ARL15: variants seen among roughly 807,000 people sequenced by gnomAD.
The protein encoded by ARL15 is ADP-ribosylation factor-like protein 15.
Under a neutral mutation model 25.2 loss-of-function variants are expected in ARL15, and 19 were observed. The ratio of observed to expected loss-of-function variants is 0.75; its 90% CI spans 0.53 to 1.10. The LOEUF is 1.10. Ranked by LOEUF, ARL15 falls within the 50% of genes least tolerant of loss-of-function variation. The pLI is 0.00. For missense variants in ARL15, 220 were observed against 246.0 expected (o/e 0.89, Z 0.71); for synonymous variants, 94 against 86.8 (o/e 1.08, Z -0.46).
intron 4 of ARL15, among the ~76,000 whole-genome samples, chr5:54,062,059 A>G (rs1400516497): frequency 6.6e-6 from 1 of 152,184 alleles, no homozygotes; most frequent in African/African-American, 2.4e-5. Flanking sequence ...TTAAGATTTG[A>G]CTGCCCCACT....
intron 4 of ARL15, among the ~76,000 whole-genome samples, chr5:53,980,934 T>A (rs897442253): frequency 1.7e-4 from 26 of 151,994 alleles, no homozygotes; most frequent in African/African-American, 5.3e-4. Context: ...TGAGCTATAA[T>A]CCTGCTACTG....
At chr5:54,267,249 A>G (rs968057980) in intron 1 of ARL15, among the ~76,000 whole-genome samples, 3 of 151,998 alleles carry the variant, frequency 2.0e-5, no homozygotes, top group African/African-American at 7.3e-5. Flanking sequence ...GTGCCACCAC[A>G]CCCAGCTAAT....
At chr5:54,032,696 T>C (rs1177316260) in intron 4 of ARL15, among the ~76,000 whole-genome samples, 1 of 152,194 alleles carries the variant, frequency 6.6e-6, no homozygotes, top group Non-Finnish European at 1.5e-5. Context: ...GGAATTACTG[T>C]TGCACAAAAC....
At chr5:54,067,050 C>T (rs1034524450) in intron 4 of ARL15, 2 of 152,604 alleles carry the variant, frequency 1.3e-5, no homozygotes, top group Non-Finnish European at 2.9e-5. Context: ...GCCGTGTTTC[C>T]TCAATCACTA....
intron 4 of ARL15, among the ~76,000 whole-genome samples, chr5:54,086,740 A>C (rs1245490142): frequency 6.6e-6 from 1 of 152,216 alleles, no homozygotes; most frequent in South Asian, 2.1e-4. Flanking sequence ...GGGTTAAAAA[A>C]AACAAGGCAA....
intron 4 of ARL15, among the ~76,000 whole-genome samples, chr5:53,950,621 T>A (rs1263353327): frequency 6.6e-6 from 1 of 152,194 alleles, no homozygotes; most frequent in African/African-American, 2.4e-5. Context: ...AAATAGCCTA[T>A]TACTACTTTT....
chr5:53,969,623 T>C lies in ARL15; in HGVS notation c.463-82910A>G, dbSNP rs548242683. 4.1e-4 allele frequency among the ~76,000 whole-genome samples: 63 copies of C among 152,336 alleles called. 1 individual carries two copies. In the South Asian group the frequency reaches 0.013, roughly 31 times the overall value. On this transcript the variant is annotated intron_variant, in intron 4 of 4. Transcript: ENST00000504924. ...GCAGGTCTGTTCCTATTTTCAGTCATCTTTTCGATGCTTAATATTTTTAAA... is the reference window on the plus strand; with the variant it reads ...GCAGGTCTGTTCCTATTTTCAGTCACCTTTTCGATGCTTAATATTTTTAAA...
chr5:54,061,593 C>A (rs1488672589), intron 4 of ARL15, among the ~76,000 whole-genome samples: 1 of 152,040 alleles, frequency 6.6e-6, no homozygotes, highest in African/African-American at 2.4e-5. Flanking sequence ...AAGAGCGAAA[C>A]TCCACTCAAA....
chr5:54,128,964 C>A lies in ARL15; in HGVS notation c.254-15554G>T, dbSNP rs185457070. On this transcript the variant is annotated intron_variant, in intron 3 of 4. Transcript: ENST00000504924. ...TCATGATCCGCCCACCTCAGCCTCT[C>A]AAAGTGCTGGATTACAGGCATGGGC... Among the ~76,000 whole-genome samples the A allele has an allele frequency of 1.6e-3, 249 of 152,260 alleles. 2 individuals carry two copies. Among genetic ancestry groups the A allele is most frequent in the Admixed American group, 8.1e-3 (124 of 15,288 alleles).
At position 54,107,710 on chromosome 5, in the gene ARL15, G is replaced by C. The variant is rs1288050887; in HGVS notation, c.462+5492C>G. 2.0e-5 allele frequency among the ~76,000 whole-genome samples: 3 copies of C among 152,170 alleles called. No homozygotes were observed. In the East Asian group the frequency reaches 5.8e-4, roughly 29 times the overall value. On this transcript the variant is annotated intron_variant, in intron 4 of 4. Transcript: ENST00000504924. ...ATAAAATGAAGATATGTATGTGACT[G>C]AAGGAAGATAGTGGAAAGGAATGGG...
chr5:54,286,139 A>T (rs1758173193), intron 1 of ARL15: 1 of 152,216 alleles, frequency 6.6e-6, no homozygotes, highest in Admixed American at 6.5e-5. Context: ...ACTAATTACA[A>T]AATAAAATTA....
At chr5:54,154,710 ATTG>A (rs1754171466) in intron 2 of ARL15, 71 bp from the exon 3 acceptor site, 1 of 932,956 alleles carries the variant, frequency 1.1e-6, no homozygotes, top group African/African-American at 1.7e-5. Flanking sequence ...GGATGCTCAA[ATTG>A]TCTCTTTTTA....
At chr5:53,946,455 GAAAAAAAAAAA>G (rs55727717) in intron 4 of ARL15, among the ~76,000 whole-genome samples, 5 of 43,942 alleles carry the variant, frequency 1.1e-4, no homozygotes, top group Admixed American at 3.5e-4. Flanking sequence ...GTCTCAAGAG[GAAAAAAAAAAA>G]AAAAAAAAAA....
At chr5:53,906,854 C>G (rs1454970493) in intron 4 of ARL15, among the ~76,000 whole-genome samples, 1 of 152,068 alleles carries the variant, frequency 6.6e-6, no homozygotes, top group East Asian at 1.9e-4. Flanking sequence ...ATCATGAAAC[C>G]CTTGCACACT....
intron 4 of ARL15, among the ~76,000 whole-genome samples, chr5:53,957,497 T>C (rs1411691082): frequency 1.3e-5 from 2 of 151,220 alleles, no homozygotes; most frequent in Non-Finnish European, 2.9e-5. Context: ...GGACACTAGA[T>C]AGTAAGTCAA....
At chr5:54,128,529 C>T (rs923132818) in intron 3 of ARL15, among the ~76,000 whole-genome samples, 10 of 152,150 alleles carry the variant, frequency 6.6e-5, no homozygotes, top group South Asian at 2.1e-4. Context: ...ATGTATCAGA[C>T]GTAACACTAG....
At chr5:54,161,658 G>A (rs944689470) in intron 2 of ARL15, among the ~76,000 whole-genome samples, 1 of 152,094 alleles carries the variant, frequency 6.6e-6, no homozygotes, top group African/African-American at 2.4e-5. Context: ...GATGTTATTT[G>A]TAAGTGTGGT....
At chr5:54,288,906 G>A (rs1347725896) in intron 1 of ARL15, among the ~76,000 whole-genome samples, 1 of 152,196 alleles carries the variant, frequency 6.6e-6, no homozygotes, top group East Asian at 1.9e-4. Flanking sequence ...ATCAAATTCA[G>A]ATTTGTAAGG....
chr5:54,118,610 A>C (rs1201304437), intron 3 of ARL15, among the ~76,000 whole-genome samples: 2 of 152,168 alleles, frequency 1.3e-5, no homozygotes. Flanking sequence ...GCGGGAATAA[A>C]AGTCTTACTT....
Sources: gnomAD v4.1 joint callset for allele counts (sites outside exome capture counted in the v4.1 genomes callset) on GRCh38, gnomAD v4.1.1 for gene constraint, MANE v1.5 for transcripts, NCBI Gene and HGNC (gene_info 2026-07-23, HGNC 2026-07-21) for gene names.